LCOR: variants seen among roughly 807,000 people sequenced by gnomAD.
LCOR encodes ligand dependent nuclear receptor corepressor.
Under a neutral mutation model 64.4 loss-of-function variants are expected in LCOR, and 14 were observed. The ratio of observed to expected loss-of-function variants is 0.22; its 90% CI spans 0.14 to 0.34. The LOEUF is 0.34. Ranked by LOEUF, LCOR falls within the 10% of genes least tolerant of loss-of-function variation. The pLI, the probability that LCOR is intolerant of heterozygous loss-of-function variation, is 1.00. For synonymous variants in LCOR, 643 were observed against 642.5 expected (o/e 1.00, Z -0.01); for missense variants, 1,686 against 1,765.3 (o/e 0.96, Z 0.80).
At chr10:96,872,181 G>A (rs749333919) in intron 2 of LCOR, among the ~76,000 whole-genome samples, 28 of 152,226 alleles carry the variant, frequency 1.8e-4, no homozygotes, top group Non-Finnish European at 4.0e-4. Flanking sequence ...GCTGGAGTTA[G>A]GTGTGAACTC....
intron 4 of LCOR, among the ~76,000 whole-genome samples, chr10:96,929,453 C>T (rs564210014): frequency 6.6e-6 from 1 of 152,246 alleles, no homozygotes; most frequent in South Asian, 2.1e-4. Context: ...TCTTCTGCAG[C>T]TTCCTCACCT....
intron 2 of LCOR, among the ~76,000 whole-genome samples, chr10:96,898,751 G>A (rs1229345413): frequency 1.3e-5 from 2 of 152,282 alleles, no homozygotes; most frequent in East Asian, 3.9e-4. Context: ...GGTAGTAATA[G>A]TGCTTGTTTT....
rs374252354 is a variant in LCOR, at chr10:96,939,333, C to T, written c.-183-4780C>T. The stretch of plus-strand genomic sequence containing the variant: ...AGAATGAGGTTGGACCCCTTCCTTA[C>T]GCCATACACAAAATTAACTTGACAT... On this transcript the variant is annotated intron_variant, in intron 4 of 7. Coordinates refer to ENST00000421806, the MANE Select transcript of LCOR (RefSeq NM_001346516.2). Among the ~76,000 whole-genome samples the T allele has an allele frequency of 2.4e-4, 36 of 152,274 alleles. No individual in the cohort carries two copies. The East Asian group carries it at 4.4e-3, about 19-fold the overall frequency.
chr10:96,908,794 C>G (rs188916221), intron 4 of LCOR, among the ~76,000 whole-genome samples: 25 of 152,092 alleles, frequency 1.6e-4, no homozygotes, highest in Middle Eastern at 3.4e-3. Context: ...CTGCTCACTG[C>G]AGGCTCCCCC....
At chr10:96,845,990 T>A (rs1015443587) in intron 2 of LCOR, among the ~76,000 whole-genome samples, 1 of 151,986 alleles carries the variant, frequency 6.6e-6, no homozygotes, top group Non-Finnish European at 1.5e-5. Context: ...GCAGATTATT[T>A]GAGGTCAGGA....
At chr10:96,974,993 A>G (rs1800888052) in intron 7 of LCOR, among the ~76,000 whole-genome samples, 1 of 152,152 alleles carries the variant, frequency 6.6e-6, no homozygotes, top group Admixed American at 6.5e-5. Context: ...ACAGGGTGTA[A>G]AACCCCATCG....
In LCOR at chr10:96,876,430, A is replaced by G. The variant is rs549424403; in HGVS notation, c.-329-30835A>G. ...TGAAATTTGGGGATACATTCAAACT[A>G]TAGCACATATTGAAATGGGAAAGGC... is the stretch of plus-strand genomic sequence containing the variant. On this transcript the variant is annotated intron_variant, in intron 2 of 7. Transcript: ENST00000421806. 4.6e-5 allele frequency among the ~76,000 whole-genome samples: 7 copies of G among 152,348 alleles called. 1 individual carries two copies. The East Asian group carries it at 9.6e-4, about 21-fold the overall frequency.
At chr10:96,874,895 T>G (rs761673154) in intron 2 of LCOR, among the ~76,000 whole-genome samples, 17 of 152,004 alleles carry the variant, frequency 1.1e-4, no homozygotes, top group Admixed American at 3.9e-4. Context: ...CTCAGCCTCT[T>G]AAAGTGCTGA....
rs867339196 is a variant in LCOR, at chr10:96,970,624, A to T, written c.333-10169A>T. Among the ~76,000 whole-genome samples the T allele has an allele frequency of 3.0e-3, 384 of 129,320 alleles. 2 individuals carry two copies. Among genetic ancestry groups the T allele is most frequent in the Non-Finnish European group, 4.9e-3 (297 of 60,414 alleles). The allele number at this position is 129,320 out of a possible 152,430, so 84.8% of individuals were successfully genotyped here. A position where few individuals can be genotyped will look rare whatever the true frequency, so the allele number is the denominator to read the frequency against. ...ATTTTATTTTATTTTATTTTATTTT[A>T]TTTATTTTATTTTATTTTATTTTAT... On this transcript the variant is annotated intron_variant, in intron 7 of 7. Transcript: ENST00000421806.
chr10:96,838,373 C>T (rs569002955), intron 2 of LCOR, among the ~76,000 whole-genome samples: 1 of 152,300 alleles, frequency 6.6e-6, no homozygotes, highest in South Asian at 2.1e-4. Flanking sequence ...CCTCCTGCCT[C>T]AGTCTCCCAA....
At chr10:96,893,031 A>G (rs1410995237) in intron 2 of LCOR, among the ~76,000 whole-genome samples, 2 of 151,746 alleles carry the variant, frequency 1.3e-5, no homozygotes, top group Admixed American at 1.3e-4. Context: ...TGTGTTACAT[A>G]TTTTCTAGTG....
intron 4 of LCOR, among the ~76,000 whole-genome samples, chr10:96,920,751 T>TATATGTGTACACAC (rs761907103): frequency 8.4e-6 from 1 of 118,884 alleles, no homozygotes; most frequent in Admixed American, 8.8e-5. Flanking sequence ...TATATATGTA[T>TATATGTGTACACAC]ACACACACAC....
At chr10:96,924,540 C>T (rs543536993) in intron 4 of LCOR, among the ~76,000 whole-genome samples, 3 of 152,116 alleles carry the variant, frequency 2.0e-5, no homozygotes, top group African/African-American at 7.2e-5. Flanking sequence ...CTGCGCCCAG[C>T]CACATTAAAA....
chr10:96,982,101 A>C lies in LCOR; in HGVS notation c.1641A>C (p.Thr547=), dbSNP rs1197038167. Reference sequence around the variant, plus strand: ...TTTTCACTCCTAAGCAGACCCTTACAATTCCAGCCCCTAGACATACAGTAG... The same window carrying C: ...TTTTCACTCCTAAGCAGACCCTTACCATTCCAGCCCCTAGACATACAGTAG... The part of the protein sequence containing the change: ...EAVFTPKQTL[T]IPAPRHTVDV... Residue 547 remains threonine (T), a synonymous_variant, in exon 8 of 8, where the codon ACA becomes ACC. Coordinates refer to ENST00000421806, the MANE Select transcript of LCOR (RefSeq NM_001346516.2). 6.2e-7 allele frequency: 1 copy of C among 1,614,172 alleles called. No individual in the cohort carries two copies. The highest frequency in any genetic ancestry group is 8.5e-7 in the Non-Finnish European group (1 of 1,180,020).
At chr10:96,947,245 A>G (rs1197968163) in intron 5 of LCOR, among the ~76,000 whole-genome samples, 1 of 152,108 alleles carries the variant, frequency 6.6e-6, no homozygotes, top group Non-Finnish European at 1.5e-5. Context: ...AGTTAGAGTT[A>G]TAAATACTCC....
At chr10:96,924,546 TA>T (rs1160390416) in intron 4 of LCOR, among the ~76,000 whole-genome samples, 2 of 152,046 alleles carry the variant, frequency 1.3e-5, no homozygotes, top group African/African-American at 2.4e-5. Context: ...CCAGCCACAT[TA>T]AAAAATTTTT....
At chr10:96,909,081 GA>G (rs1323624228) in intron 4 of LCOR, among the ~76,000 whole-genome samples, 2 of 151,960 alleles carry the variant, frequency 1.3e-5, no homozygotes, top group African/African-American at 4.8e-5. Flanking sequence ...CCCTCACAAC[GA>G]ATTTCATTTT....
In LCOR at chr10:96,984,897, C is replaced by T. The variant is rs1246229384; in HGVS notation, c.4437C>T (p.Asn1479=). The T allele has an allele frequency of 1.2e-6, 2 of 1,613,692 alleles. No individual in the cohort carries two copies. Among genetic ancestry groups the T allele is most frequent in the Admixed American group, 3.3e-5 (2 of 59,872 alleles). ...CCAGGAAAGAAAAAGAGAATACAAA[C>T]AAAAGGCCTTCCCAGTCTATTGCCT... The part of the protein sequence containing the change: ...PPSRKEKENT[N]KRPSQSIASE... Residue 1479 remains asparagine (N), a synonymous_variant, in exon 8 of 8, where the codon AAC becomes AAT. Coordinates refer to ENST00000421806, the MANE Select transcript of LCOR (RefSeq NM_001346516.2).
At chr10:96,843,314 G>A (rs1002482498) in intron 2 of LCOR, among the ~76,000 whole-genome samples, 32 of 151,920 alleles carry the variant, frequency 2.1e-4, no homozygotes, top group African/African-American at 7.5e-4. Context: ...TTTGTTTTTG[G>A]TAGAGATGAG....
Sources: allele counts gnomAD v4.1 joint callset (sites outside exome capture counted in the v4.1 genomes callset), GRCh38; gene constraint gnomAD v4.1.1; transcripts MANE v1.5; gene names NCBI Gene and HGNC (gene_info 2026-07-23, HGNC 2026-07-21).